Variants in PPP1R15A observed in about 807,000 individuals in gnomAD.
PPP1R15A encodes protein phosphatase 1 regulatory subunit 15A, also known as growth arrest and DNA damage-inducible protein GADD34.
In PPP1R15A, 43 loss-of-function variants were observed where a neutral mutation model predicts 48.5. That is an observed-to-expected ratio of 0.89 (90% CI 0.69 to 1.14). The LOEUF (loss-of-function observed/expected upper bound fraction) is 1.14, where lower values mean the gene tolerates loss of function less well. PPP1R15A is among the 50% of genes most tolerant of loss of function. PPP1R15A has a pLI of 0.00. For missense variants in PPP1R15A, 868 were observed against 847.2 expected, an observed-to-expected ratio of 1.02 and a Z score of -0.30; for synonymous variants, 327 against 327.4, an observed-to-expected ratio of 1.00 and a Z score of 0.01.
Position 48,872,429 on chromosome 19 carries a change from C to T in PPP1R15A, c.-232C>T, listed in dbSNP as rs1238414780. The T allele has an allele frequency of 1.1e-5, 5 of 456,482 alleles. No homozygotes were observed. Among genetic ancestry groups the T allele is most frequent in the Non-Finnish European group, 1.8e-5 (4 of 226,788 alleles). The allele number at this position is 456,482 out of a possible 1,614,324, so 28.3% of individuals were successfully genotyped here. ...TGGCCATTGTGTTCGTTGCTCTTAT[C>T]GGTTCCCATCCCAGTTGTTGATCTT... On this transcript the variant is annotated 5_prime_UTR_variant, in exon 1 of 3. Transcript: ENST00000200453.
Position 48,872,643 on chromosome 19 carries a change from T to C in PPP1R15A, c.-18T>C, listed in dbSNP as rs626974. ...TCCTGCCCCCGGGGTGACGCGCAGC[T>C]CCCAGCCGGTGAGTAAGGGGTCGGA... On this transcript the variant is annotated 5_prime_UTR_variant, in exon 1 of 3. Transcript: ENST00000200453. The C allele has an allele frequency of 0.38, 138,861 of 366,850 alleles. 29,619 individuals are homozygous for C. Among genetic ancestry groups the C allele is most frequent in the African/African-American group, 0.69 (32,569 of 47,458 alleles). 22.7% of individuals were successfully genotyped at this position (366,850 alleles called of 1,614,324 possible). A position where few individuals can be genotyped will look rare whatever the true frequency, so the allele number is the denominator to read the frequency against.
chr19:48,874,815 C>G lies in PPP1R15A; in HGVS notation c.1582C>G (p.Pro528Ala). ...PPPPWAPPRL[P>A]LRLQRRLKRP... ...GCCTCCCTGGGCTCCTCCTAGGCTG[C>G]CCCTCCGACTGCAAAGGCGGCTCAA... is the stretch of plus-strand genomic sequence containing the variant. Residue 528 changes from proline (P) to alanine (A), a missense_variant, in exon 2 of 3, where the codon CCC (proline) becomes GCC (alanine). Coordinates refer to ENST00000200453, the MANE Select transcript of PPP1R15A (RefSeq NM_014330.5). 8.1e-6 allele frequency: 13 copies of G among 1,613,506 alleles called. No homozygotes were observed. The highest frequency in any genetic ancestry group is 1.0e-5 in the Non-Finnish European group (12 of 1,179,890).
At chr19:48,875,358 T>C (rs2037068857) in intron 2 of PPP1R15A, 1 of 562,176 alleles carries the variant, frequency 1.8e-6, no homozygotes, top group East Asian at 3.0e-5. Context: ...ACGCAATCCC[T>C]TGTAAGAGGC....
rs750372358 is a variant in PPP1R15A, at chr19:48,873,256, A to T, written c.23A>T (p.His8Leu). MAPGQAP[H>L]QATPWRDAHP... ...CACATGGCCCCAGGCCAAGCACCCCATCAGGCTACCCCGTGGAGGGATGCC... is the reference window on the plus strand; with the variant it reads ...CACATGGCCCCAGGCCAAGCACCCCTTCAGGCTACCCCGTGGAGGGATGCC... Residue 8 changes from histidine to leucine, a missense_variant, in exon 2 of 3, where the codon CAT becomes CTT. Coordinates refer to ENST00000200453, the MANE Select transcript of PPP1R15A (RefSeq NM_014330.5). The T allele has an allele frequency of 6.5e-7, 1 of 1,538,336 alleles. No homozygotes were observed. Among genetic ancestry groups the T allele is most frequent in the Non-Finnish European group, 8.7e-7 (1 of 1,144,428 alleles).
rs769022111 is a variant in PPP1R15A, at chr19:48,874,463, C to T, written c.1230C>T (p.Ala410=). 8.1e-6 allele frequency: 13 copies of T among 1,611,362 alleles called. No homozygotes were observed. Among genetic ancestry groups the T allele is most frequent in the South Asian group, 5.5e-5 (5 of 90,980 alleles). ...EEDEDSDTGS[A]EDEREAETSA... ...ATGAGGACAGTGATACAGGATCAGC[C>T]GAGGATGAAAGAGAAGCTGAGACTT... Residue 410 remains alanine, a synonymous_variant, in exon 2 of 3, where the codon GCC becomes GCT. Coordinates refer to ENST00000200453, the MANE Select transcript of PPP1R15A (RefSeq NM_014330.5).
chr19:48,874,800 GCTC>G lies in PPP1R15A; in HGVS notation c.1573_1575del (p.Pro525del), dbSNP rs1465568360. 6.2e-7 allele frequency: 1 copy of G among 1,613,732 alleles called. No individual in the cohort carries two copies. Among genetic ancestry groups the G allele is most frequent in the African/African-American group, 1.3e-5 (1 of 74,884 alleles). ...TGGAGAGAAGCCACCGCCTCCCTGG[GCTC>G]CTCCTAGGCTGCCCCTCCGACTGCA... On this transcript the variant is annotated inframe_deletion, in exon 2 of 3. Coordinates refer to ENST00000200453, the MANE Select transcript of PPP1R15A (RefSeq NM_014330.5).
Position 48,875,662 on chromosome 19 carries a change from G to GGGCCGGCCCA in PPP1R15A, c.1720_1729dup (p.Ala577GlyfsTer112), listed in dbSNP as rs749055306. 1 of 1,609,894 alleles carries GGGCCGGCCCA rather than the reference G, an allele frequency of 6.2e-7. No homozygotes were observed. The highest frequency in any genetic ancestry group is 8.5e-7 in the Non-Finnish European group (1 of 1,178,676). On this transcript the variant is annotated frameshift_variant, in exon 3 of 3. Transcript: ENST00000200453. LOFTEE classifies it low-confidence loss of function (END_TRUNC). Reference sequence around the variant, plus strand: ...TGTCCATTTCCTGGCTGTCTGGGCAGGGCCGGCCCAGGCCGCCCGCCAGGG... The same window carrying GGGCCGGCCCA: ...TGTCCATTTCCTGGCTGTCTGGGCAGGGCCGGCCCAGGCCGGCCCAGGCCGCCCGCCAGGG...
Position 48,875,737 on chromosome 19 carries a change from A to G in PPP1R15A, c.1789A>G (p.Thr597Ala), listed in dbSNP as rs500079. 474,504 of 1,613,168 alleles carry G rather than the reference A, an allele frequency of 0.29. 73,476 individuals carry two copies. The highest frequency in any genetic ancestry group is 0.55 in the African/African-American group (40,925 of 74,890). ...RDRSRFARRI[T>A]QAQEELSPCL... ...TCGCAGCCGCTTCGCACGCCGCATC[A>G]CCCAGGCCCAGGAGGAGCTGAGCCC... is the stretch of plus-strand genomic sequence containing the variant. Residue 597 changes from threonine (T) to alanine (A), a missense_variant, in exon 3 of 3, where the codon ACC becomes GCC. Transcript: ENST00000200453.
chr19:48,874,983 C>G, intron 2 of PPP1R15A, 85 bp downstream of exon 2: 1 of 1,399,340 alleles, frequency 7.1e-7, no homozygotes, highest in Non-Finnish European at 9.3e-7. Flanking sequence ...TGGAGTGCAG[C>G]GGCATGATCT....
Position 48,873,622 on chromosome 19 carries a change from A to G in PPP1R15A, c.389A>G (p.Gln130Arg). 1 of 1,614,138 alleles carries G rather than the reference A, an allele frequency of 6.2e-7. No individual in the cohort carries two copies. The highest frequency in any genetic ancestry group is 8.5e-7 in the Non-Finnish European group (1 of 1,180,002). ...EREATSVPRGQGSQFADGQRA... is the reference protein window; with the variant it reads ...EREATSVPRGRGSQFADGQRA... The stretch of plus-strand genomic sequence containing the variant: ...GAGGCAACCAGTGTCCCTAGAGGGC[A>G]GGGAAGTCAATTTGCAGATGGCCAG... The change falls in exon 2 of 3, where the codon CAG (glutamine) becomes CGG (arginine). Residue 130 changes from glutamine to arginine, a missense_variant. Coordinates refer to ENST00000200453, the MANE Select transcript of PPP1R15A (RefSeq NM_014330.5).
Position 48,874,314 on chromosome 19 carries a change from G to C in PPP1R15A, c.1081G>C (p.Asp361His). 1 of 1,613,918 alleles carries C rather than the reference G, an allele frequency of 6.2e-7. No homozygotes were observed. The highest frequency in any genetic ancestry group is 1.1e-5 in the South Asian group (1 of 91,070). ...AGAGGAAGATGAGGAAGAAGATGAG[G>C]ACAGTGACTCTGGATCAGATGAGGA... ...EEEEDEEEDE[D>H]SDSGSDEEEG... is the part of the protein sequence containing the mutation. Residue 361 changes from aspartate to histidine, a missense_variant, in exon 2 of 3, where the codon GAC becomes CAC. Asp to His is a moderately conservative substitution (Grantham distance 81). Coordinates refer to ENST00000200453, the MANE Select transcript of PPP1R15A (RefSeq NM_014330.5).
rs757760679 is a variant in PPP1R15A at position 48,873,903 on chromosome 19, C to A, written c.670C>A (p.Pro224Thr). Residue 224 changes from proline (P) to threonine (T), a missense_variant, in exon 2 of 3, where the codon CCA becomes ACA. Physicochemically the swap from Pro to Thr is conservative, Grantham distance 38. Coordinates refer to ENST00000200453, the MANE Select transcript of PPP1R15A (RefSeq NM_014330.5). ...CAAGCCCAGCACTTGGGTGTCTTGC[C>A]CAGGGGAGGAAGAGAATCAAGCCAC... ...GSKPSTWVSC[P>T]GEEENQATED... 1 of 1,614,060 alleles carries A rather than the reference C, an allele frequency of 6.2e-7. No individual in the cohort carries two copies. Among genetic ancestry groups the A allele is most frequent in the Non-Finnish European group, 8.5e-7 (1 of 1,180,034 alleles).
At chr19:48,875,180 C>G in intron 2 of PPP1R15A, 1 of 360,420 alleles carries the variant, frequency 2.8e-6, no homozygotes, top group Admixed American at 4.3e-5. Context: ...ATCCACCCAT[C>G]TCAGCCTCCC....
In PPP1R15A at chr19:48,874,759, T is replaced by G; in HGVS notation, c.1526T>G (p.Val509Gly). The G allele has an allele frequency of 6.2e-7, 1 of 1,613,796 alleles. No individual in the cohort carries two copies. The highest frequency in any genetic ancestry group is 8.5e-7 in the Non-Finnish European group (1 of 1,179,936). The part of the protein sequence containing the change: ...WGEAEPCPFR[V>G]AIYVPGEKPP... The stretch of plus-strand genomic sequence containing the variant: ...GAAGCTGAGCCCTGCCCCTTCCGAG[T>G]GGCCATCTATGTACCTGGAGAGAAG... Residue 509 changes from valine to glycine, a missense_variant, in exon 2 of 3, where the codon GTG becomes GGG. Transcript: ENST00000200453.
Position 48,873,346 on chromosome 19 carries a change from G to T in PPP1R15A, c.113G>T (p.Gly38Val), listed in dbSNP as rs143549142. The T allele has an allele frequency of 8.4e-4, 1,358 of 1,613,504 alleles. 1 individual carries two copies. The highest frequency in any genetic ancestry group is 1.0e-3 in the Non-Finnish European group (1,231 of 1,179,816). The change falls in exon 2 of 3, where the codon GGC becomes GTC. Residue 38 changes from glycine (G) to valine (V), a missense_variant. By Grantham distance (109) the Gly-to-Val change is moderately radical. Transcript: ENST00000200453. Reference sequence around the variant, plus strand: ...AGCCGCGCCTGGAGCCGCCTGAGGGGCCTGGGACCTCTAGAGCCCTGGCTG... The same window carrying T: ...AGCCGCGCCTGGAGCCGCCTGAGGGTCCTGGGACCTCTAGAGCCCTGGCTG... Reference protein sequence around the residue: ...LLSRAWSRLRGLGPLEPWLVE... With the variant: ...LLSRAWSRLRVLGPLEPWLVE...
At chr19:48,875,110 A>G in intron 2 of PPP1R15A, 1 of 535,608 alleles carries the variant, frequency 1.9e-6, no homozygotes, top group African/African-American at 1.9e-5. Context: ...TTGTATTTTT[A>G]GTAGAGACGG....
Position 48,873,993 on chromosome 19 carries a change from G to A in PPP1R15A, c.760G>A (p.Gly254Ser), listed in dbSNP as rs754646874. Residue 254 changes from glycine to serine, a missense_variant, in exon 2 of 3, where the codon GGC (glycine) becomes AGC (serine). Gly to Ser is a moderately conservative substitution (Grantham distance 56). Transcript: ENST00000200453. ...GACCTCCGTGTCCCCCCGATCTTCA[G>A]GCTCCGACCCCAGGTCCTGGGAGTA... ...RKTSVSPRSS[G>S]SDPRSWEYRS... is the part of the protein sequence containing the mutation. 6.2e-7 allele frequency: 1 copy of A among 1,614,196 alleles called. No homozygotes were observed. The highest frequency in any genetic ancestry group is 1.1e-5 in the South Asian group (1 of 91,086).
Position 48,873,337 on chromosome 19 carries a change from G to T in PPP1R15A, c.104G>T (p.Arg35Leu), listed in dbSNP as rs761254662. 14 of 1,612,332 alleles carry T rather than the reference G, an allele frequency of 8.7e-6. No homozygotes were observed. The highest frequency in any genetic ancestry group is 1.0e-5 in the Non-Finnish European group (12 of 1,179,506). The change falls in exon 2 of 3, where the codon CGC becomes CTC. Residue 35 changes from arginine to leucine, a missense_variant. Physicochemically the swap from Arg to Leu is moderately radical, Grantham distance 102. Coordinates refer to ENST00000200453, the MANE Select transcript of PPP1R15A (RefSeq NM_014330.5). ...VMGLLSRAWS[R>L]LRGLGPLEPW... ...GGCCTCCTCAGCCGCGCCTGGAGCC[G>T]CCTGAGGGGCCTGGGACCTCTAGAG...
Position 48,875,951 on chromosome 19 carries a change from A to G in PPP1R15A, c.2003A>G (p.Asp668Gly). ...TCTGCTGCTGCAGCGGCTGCCCTGG[A>G]CCTCAGTGGGAGGCGTGGCTGAGAC... Reference protein sequence around the residue: ...RSSAAAAAALDLSGRRG With the variant: ...RSSAAAAAALGLSGRRG The change falls in exon 3 of 3, where the codon GAC (aspartate) becomes GGC (glycine). Residue 668 changes from aspartate (D) to glycine (G), a missense_variant. Asp to Gly is a moderately conservative substitution (Grantham distance 94, BLOSUM62 -1). Coordinates refer to ENST00000200453, the MANE Select transcript of PPP1R15A (RefSeq NM_014330.5). The G allele has an allele frequency of 6.3e-7, 1 of 1,592,088 alleles. No individual in the cohort carries two copies. The highest frequency in any genetic ancestry group is 8.6e-7 in the Non-Finnish European group (1 of 1,165,748).
Sources: gnomAD v4.1 joint callset for allele counts on GRCh38, gnomAD v4.1.1 for gene constraint, MANE v1.5 for transcripts, NCBI Gene and HGNC (gene_info 2026-07-23, HGNC 2026-07-21) for gene names.